Variants in FDX1 observed in about 807,000 individuals in gnomAD.
FDX1 encodes adrenodoxin, mitochondrial.
A neutral mutation model predicts 14.9 loss-of-function variants in FDX1; 9 were observed. The observed-to-expected ratio is 0.60, with a 90% confidence interval of 0.36 to 1.05. The LOEUF (loss-of-function observed/expected upper bound fraction) is 1.05. Ranked by LOEUF, FDX1 falls within the 50% of genes least tolerant of loss-of-function variation. FDX1 has a pLI of 0.01. For missense variants in FDX1, 204 were observed against 237.2 expected (o/e 0.86, Z 0.92); for synonymous variants, 92 against 99.4 (o/e 0.93, Z 0.44).
intron 1 of FDX1, among the ~76,000 whole-genome samples, chr11:110,433,432 A>G (rs746237362): frequency 4.6e-5 from 7 of 152,000 alleles, no homozygotes; most frequent in Non-Finnish European, 1.0e-4. Flanking sequence ...GGAAATCCCA[A>G]TGTTTTTCTT....
chr11:110,445,880 G>T (rs1565382408), intron 2 of FDX1, among the ~76,000 whole-genome samples: 1 of 152,088 alleles, frequency 6.6e-6, no homozygotes, highest in Non-Finnish European at 1.5e-5. Context: ...CAGATTCATT[G>T]TTCATTATAG....
In FDX1 at chr11:110,464,574, A is replaced by T. The variant is rs1946581397; in HGVS notation, c.*2106A>T. The T allele has an allele frequency of 1.3e-5, 2 of 152,196 alleles. No homozygotes were observed. The highest frequency in any genetic ancestry group is 4.8e-5 in the African/African-American group (2 of 41,454). The allele number at this position is 152,196 out of a possible 1,614,324, so 9.4% of individuals were successfully genotyped here. On this transcript the variant is annotated 3_prime_UTR_variant, in exon 4 of 4. Transcript: ENST00000260270. Reference sequence around the variant, plus strand: ...TCACCTCTTAAAGGACCCACCTTTCAATGCCATTACACTGGCAATTTAATT... The same window carrying T: ...TCACCTCTTAAAGGACCCACCTTTCTATGCCATTACACTGGCAATTTAATT...
chr11:110,451,041 T>A (rs1024294630), intron 2 of FDX1, among the ~76,000 whole-genome samples: 1 of 152,120 alleles, frequency 6.6e-6, no homozygotes, highest in Non-Finnish European at 1.5e-5. Flanking sequence ...GTAGTTGTTG[T>A]TTGTTACTTT....
At chr11:110,437,766 A>G (rs935976400) in intron 2 of FDX1, among the ~76,000 whole-genome samples, 1 of 152,192 alleles carries the variant, frequency 6.6e-6, no homozygotes, top group Non-Finnish European at 1.5e-5. Context: ...CTTAGAAACC[A>G]ATAGGTAGTT....
At chr11:110,443,136 G>A (rs567518926) in intron 2 of FDX1, among the ~76,000 whole-genome samples, 2 of 152,282 alleles carry the variant, frequency 1.3e-5, no homozygotes, top group East Asian at 3.9e-4. Flanking sequence ...TTTCAGGTAT[G>A]TCTTTATCAG....
intron 3 of FDX1, 143 bp downstream of exon 3, chr11:110,457,190 T>C (rs1371457850): frequency 1.0e-5 from 7 of 702,932 alleles, no homozygotes; most frequent in East Asian, 2.9e-5. Flanking sequence ...GTATCAGATA[T>C]GTGGCATTTC....
At chr11:110,440,159 CT>C (rs79867776) in intron 2 of FDX1, among the ~76,000 whole-genome samples, 17,169 of 151,488 alleles carry the variant, frequency 0.11, 1,127 homozygotes, top group East Asian at 0.25. Flanking sequence ...TGGATCATCT[CT>C]TTTTTTTTCT....
Position 110,439,507 on chromosome 11 carries a change from C to G in FDX1, c.310+3549C>G, listed in dbSNP as rs563798782. Among the ~76,000 whole-genome samples, 258 of 152,196 alleles carry G rather than the reference C, an allele frequency of 1.7e-3. 1 individual carries two copies. The highest frequency in any genetic ancestry group is 5.8e-3 in the African/African-American group (241 of 41,522). ...CAGGTGTGAGCCACCACACCCGGCC[C>G]TCTGCCCACTTTTTAATGAGGTTAT... On this transcript the variant is annotated intron_variant, in intron 2 of 3. Coordinates refer to ENST00000260270, the MANE Select transcript of FDX1 (RefSeq NM_004109.5).
intron 2 of FDX1, among the ~76,000 whole-genome samples, chr11:110,449,482 A>T (rs1424374576): frequency 1.3e-5 from 2 of 152,220 alleles, no homozygotes; most frequent in Non-Finnish European, 2.9e-5. Flanking sequence ...ATGTGGAATG[A>T]TTAACTTAAG....
chr11:110,430,685 C>T (rs755764934), intron 1 of FDX1, among the ~76,000 whole-genome samples: 1 of 152,208 alleles, frequency 6.6e-6, no homozygotes, highest in African/African-American at 2.4e-5. Flanking sequence ...CTGGCAGTGA[C>T]CTTCGCGACA....
At chr11:110,447,419 AC>A (rs1946458722) in intron 2 of FDX1, among the ~76,000 whole-genome samples, 1 of 151,894 alleles carries the variant, frequency 6.6e-6, no homozygotes, top group Non-Finnish European at 1.5e-5. Flanking sequence ...GCACCACTGT[AC>A]TCCAGTCTGG....
intron 2 of FDX1, among the ~76,000 whole-genome samples, chr11:110,438,557 C>G (rs991061956): frequency 5.3e-5 from 8 of 152,090 alleles, no homozygotes; most frequent in African/African-American, 1.9e-4. Flanking sequence ...TCCTGAGTAG[C>G]TGGAATTATA....
intron 3 of FDX1, among the ~76,000 whole-genome samples, chr11:110,459,789 A>C (rs1327862837): frequency 2.6e-5 from 4 of 152,156 alleles, no homozygotes; most frequent in South Asian, 2.1e-4. Context: ...ATACTGGTGG[A>C]TCTTGGAGCC....
rs1946319139 is a variant in FDX1, at chr11:110,430,103, A to G, written c.-18A>G. 1.6e-6 allele frequency: 2 copies of G among 1,224,350 alleles called. No individual in the cohort carries two copies. The highest frequency in any genetic ancestry group is 3.7e-5 in the South Asian group (1 of 27,102). The allele number at this position is 1,224,350 out of a possible 1,614,324, so 75.8% of individuals were successfully genotyped here. ...AAGCGCGGCCTGCGTCGCTTCCGGC[A>G]GTTCCCGACCGCGGGCGATGGCTGC... is the stretch of plus-strand genomic sequence containing the variant. On this transcript the variant is annotated 5_prime_UTR_variant, in exon 1 of 4. Coordinates refer to ENST00000260270, the MANE Select transcript of FDX1 (RefSeq NM_004109.5).
intron 2 of FDX1, among the ~76,000 whole-genome samples, chr11:110,445,856 C>G (rs1413634765): frequency 6.6e-6 from 1 of 152,102 alleles, no homozygotes; most frequent in African/African-American, 2.4e-5. Flanking sequence ...ATATTGTTAA[C>G]ATAGGTATTA....
chr11:110,464,178 G>A lies in FDX1; in HGVS notation c.*1710G>A, dbSNP rs934580960. 1 of 152,166 alleles carries A rather than the reference G, an allele frequency of 6.6e-6. No individual in the cohort carries two copies. Among genetic ancestry groups the A allele is most frequent in the Non-Finnish European group, 1.5e-5 (1 of 68,066 alleles). 9.4% of individuals were successfully genotyped at this position (152,166 alleles called of 1,614,324 possible). ...TCCACCCACCTCAGCCTCCCAAAAT[G>A]CTGGGATTACAGATGTGAGCCACCG... On this transcript the variant is annotated 3_prime_UTR_variant, in exon 4 of 4. Coordinates refer to ENST00000260270, the MANE Select transcript of FDX1 (RefSeq NM_004109.5).
In FDX1 at chr11:110,430,054, T is replaced by A. The variant is rs1946318695; in HGVS notation, c.-67T>A. 1.8e-6 allele frequency: 2 copies of A among 1,124,954 alleles called. No homozygotes were observed. The highest frequency in any genetic ancestry group is 2.2e-6 in the Non-Finnish European group (2 of 899,072). 69.7% of individuals were successfully genotyped at this position (1,124,954 alleles called of 1,614,324 possible). A position where few individuals can be genotyped will look rare whatever the true frequency, so the allele number is the denominator to read the frequency against. On this transcript the variant is annotated 5_prime_UTR_variant, in exon 1 of 4. Transcript: ENST00000260270. ...CTGCGCCGCAGCTGCCGCCCCCGCC[T>A]CTTTGGAGTCTCTCGCGGCCTCAAA... is the stretch of plus-strand genomic sequence containing the variant.
At chr11:110,454,693 C>T (rs1298736043) in intron 2 of FDX1, among the ~76,000 whole-genome samples, 2 of 152,130 alleles carry the variant, frequency 1.3e-5, no homozygotes, top group Non-Finnish European at 2.9e-5. Context: ...TACATACTAT[C>T]TGCCAGTCAT....
At chr11:110,440,143 C>T (rs1036975514) in intron 2 of FDX1, among the ~76,000 whole-genome samples, 1 of 150,942 alleles carries the variant, frequency 6.6e-6, no homozygotes, top group South Asian at 2.1e-4. Context: ...TCTAATTATT[C>T]TTATTTGGAT....
Sources: gnomAD v4.1 joint callset for allele counts (sites outside exome capture counted in the v4.1 genomes callset) on GRCh38, gnomAD v4.1.1 for gene constraint, MANE v1.5 for transcripts, NCBI Gene and HGNC (gene_info 2026-07-23, HGNC 2026-07-21) for gene names.